ARHGEF9: variants seen among roughly 807,000 people sequenced by gnomAD.
ARHGEF9 encodes Cdc42 guanine nucleotide exchange factor 9.
ARHGEF9 carries 2 observed loss-of-function variants against 41.3 expected under a neutral mutation model. The ratio of observed to expected loss-of-function variants is 0.05; its 90% CI spans 0.02 to 0.15. ARHGEF9 has a LOEUF of 0.15. ARHGEF9 is among the 10% of genes least tolerant of loss of function. ARHGEF9 has a pLI of 1.00. For missense variants in ARHGEF9, 225 were observed against 424.7 expected (o/e 0.53, Z 4.13); for synonymous variants, 160 against 154.4 (o/e 1.04, Z -0.27).
intron 7 of ARHGEF9, chrX:63,657,326 C>A (rs782121105): frequency 8.9e-6 from 1 of 111,826 alleles, no homozygotes; most frequent in Admixed American, 9.5e-5. Context: ...ACTCACATTC[C>A]CAATCCTAAC....
intron 5 of ARHGEF9, among the ~76,000 whole-genome samples, chrX:63,675,534 T>TG: frequency 8.9e-6 from 1 of 111,994 alleles, no homozygotes; most frequent in Non-Finnish European, 1.9e-5. Flanking sequence ...ATCTGTAAAA[T>TG]GGGGAAAAGT....
intron 2 of ARHGEF9, among the ~76,000 whole-genome samples, chrX:63,712,503 AGAT>A (rs1186830000): frequency 1.8e-5 from 2 of 111,843 alleles, no homozygotes; most frequent in Middle Eastern, 4.3e-3. Context: ...TAAGTATGCG[AGAT>A]GATGATATGT....
intron 1 of ARHGEF9, among the ~76,000 whole-genome samples, chrX:63,747,315 T>A: frequency 8.9e-6 from 1 of 111,835 alleles, no homozygotes; most frequent in Middle Eastern, 4.6e-3. Context: ...TTTTTTTTAT[T>A]CCTGAAGTGT....
chrX:63,780,873 C>T (rs1360602495), intron 1 of ARHGEF9, among the ~76,000 whole-genome samples: 1 of 111,691 alleles, frequency 9.0e-6, no homozygotes, highest in Non-Finnish European at 1.9e-5. Flanking sequence ...ATTCAAGATA[C>T]CATTAGGTCA....
At chrX:63,776,734 A>G (rs1439567818) in intron 1 of ARHGEF9, among the ~76,000 whole-genome samples, 1 of 111,666 alleles carries the variant, frequency 9.0e-6, no homozygotes, top group African/African-American at 3.3e-5. Context: ...TAGATAACAA[A>G]GTGGACTGTT....
chrX:63,689,616 C>T (rs1227447494), intron 4 of ARHGEF9, among the ~76,000 whole-genome samples: 28 of 111,983 alleles, frequency 2.5e-4, no homozygotes, highest in African/African-American at 8.4e-4. Flanking sequence ...CAAAGAAATA[C>T]TGGATTTCAG....
intron 1 of ARHGEF9, among the ~76,000 whole-genome samples, chrX:63,777,885 T>TC (rs2056318349): frequency 8.9e-6 from 1 of 112,544 alleles, no homozygotes; most frequent in South Asian, 3.7e-4. Context: ...CAGGGTACAG[T>TC]CCCCCTCCAG....
intron 3 of ARHGEF9, among the ~76,000 whole-genome samples, chrX:63,697,796 T>C (rs112097067): frequency 0.036 from 4,063 of 111,750 alleles, 113 homozygotes; most frequent in African/African-American, 0.094. Flanking sequence ...AAAAAAAGTT[T>C]CCTCATGAAC....
intron 8 of ARHGEF9, among the ~76,000 whole-genome samples, chrX:63,647,897 C>T (rs2048231582): frequency 5.4e-5 from 6 of 110,872 alleles, no homozygotes; most frequent in Admixed American, 2.9e-4. Context: ...TAATTATTGC[C>T]TCAATTTTAG....
At chrX:63,739,441 T>A (rs2054819264) in intron 1 of ARHGEF9, among the ~76,000 whole-genome samples, 1 of 111,546 alleles carries the variant, frequency 9.0e-6, no homozygotes, top group Admixed American at 9.5e-5. Flanking sequence ...CCCCCTGTAC[T>A]GCTTGTCAGA....
intron 1 of ARHGEF9, among the ~76,000 whole-genome samples, chrX:63,752,364 CAAAA>C (rs1264496326): frequency 1.8e-5 from 2 of 110,378 alleles, no homozygotes; most frequent in Non-Finnish European, 1.9e-5. Flanking sequence ...ATGGAAAAAA[CAAAA>C]AACAAAACAA....
At chrX:63,767,088 G>A in intron 1 of ARHGEF9, 1 of 1,010,425 alleles carries the variant, frequency 9.9e-7, no homozygotes, top group Non-Finnish European at 1.4e-6. Flanking sequence ...CAACCCTAAA[G>A]TTTAGGCATC....
chrX:63,656,876 G>T (rs2048908131), intron 7 of ARHGEF9: 1 of 111,998 alleles, frequency 8.9e-6, no homozygotes, highest in Admixed American at 9.5e-5. Context: ...AAACACGTGG[G>T]TACTCATTAT....
chrX:63,757,758 C>A (rs1206176983), intron 1 of ARHGEF9, among the ~76,000 whole-genome samples: 2 of 112,251 alleles, frequency 1.8e-5, no homozygotes, highest in East Asian at 2.8e-4. Context: ...TGCCCAAATT[C>A]TTTCCTCAAA....
At chrX:63,777,947 G>A (rs782358305) in intron 1 of ARHGEF9, among the ~76,000 whole-genome samples, 35 of 112,563 alleles carry the variant, frequency 3.1e-4, no homozygotes, top group Non-Finnish European at 3.8e-5. Context: ...GGCACACAGT[G>A]CAAGCTATTG....
intron 8 of ARHGEF9, among the ~76,000 whole-genome samples, chrX:63,650,447 A>G (rs1342158404): frequency 1.8e-5 from 2 of 111,258 alleles, no homozygotes; most frequent in African/African-American, 6.5e-5. Flanking sequence ...TGGGAGCTGA[A>G]AGGTGGATTT....
intron 2 of ARHGEF9, among the ~76,000 whole-genome samples, chrX:63,721,809 G>A (rs1279400540): frequency 3.6e-5 from 4 of 110,520 alleles, no homozygotes; most frequent in Admixed American, 9.7e-5. Context: ...CAACTACTGG[G>A]AAGGTATATC....
intron 4 of ARHGEF9, among the ~76,000 whole-genome samples, chrX:63,695,011 T>C (rs782082555): frequency 8.9e-5 from 10 of 112,671 alleles, no homozygotes; most frequent in East Asian, 5.6e-4. Flanking sequence ...TCATTTCACA[T>C]ATGAAAATCA....
At chrX:63,755,308 C>T in intron 1 of ARHGEF9, 1 of 826,762 alleles carries the variant, frequency 1.2e-6, no homozygotes, top group Non-Finnish European at 1.5e-6. Context: ...CCTCAAGGCT[C>T]CCAAGCAAGC....
Sources: allele counts gnomAD v4.1 joint callset (sites outside exome capture counted in the v4.1 genomes callset), GRCh38; gene constraint gnomAD v4.1.1; transcripts MANE v1.5; gene names NCBI Gene and HGNC (gene_info 2026-07-23, HGNC 2026-07-21).